The following PPARG variants were observed in gnomAD, a reference collection of about 807,000 sequenced individuals.
The protein encoded by PPARG is peroxisome proliferator activated receptor gamma, also known as peroxisome proliferator-activated receptor gamma.
In PPARG, 17 loss-of-function variants were observed where a neutral mutation model predicts 39.2. The ratio of observed to expected loss-of-function variants is 0.43; its 90% CI spans 0.30 to 0.65. The LOEUF (loss-of-function observed/expected upper bound fraction) is 0.65, where lower values mean the gene tolerates loss of function less well. Ranked by LOEUF, PPARG falls within the 30% of genes least tolerant of loss-of-function variation. PPARG has a pLI of 0.13. For missense variants in PPARG, 406 were observed against 585.9 expected, an observed-to-expected ratio of 0.69 and a Z score of 3.17; for synonymous variants, 223 against 215.7, an observed-to-expected ratio of 1.03 and a Z score of -0.30.
chr3:12,320,841 T>C (rs1411316035), intron 2 of PPARG, among the ~76,000 whole-genome samples: 1 of 152,170 alleles, frequency 6.6e-6, no homozygotes, highest in Non-Finnish European at 1.5e-5. Flanking sequence ...ATTGCACCAC[T>C]GCACTCCAGC....
intron 6 of PPARG, chr3:12,406,986 G>A (rs1206319113): frequency 6.6e-6 from 1 of 152,164 alleles, no homozygotes; most frequent in Non-Finnish European, 1.5e-5. Context: ...AGAAAACCCA[G>A]AATGGGTTGT....
Position 12,417,902 on chromosome 3 carries a change from C to CTTTTTTTTTTTTTTTTTTTTTTTTT in PPARG, c.1180+771_1180+772insTTTTTTTTTTTTTTTTTTTTTTTTT, listed in dbSNP as rs869086237. ...CTTTTTTTTTTCTTTTTTTTTTTTCCTTTTTTTTTTTTTTTTTTTTTTTGT... is the reference window on the plus strand; with the variant it reads ...CTTTTTTTTTTCTTTTTTTTTTTTCCTTTTTTTTTTTTTTTTTTTTTTTTTTTTTTTTTTTTTTTTTTTTTTTTGT... On this transcript the variant is annotated intron_variant, in intron 7 of 7. Coordinates refer to ENST00000651735, the MANE Select transcript of PPARG (RefSeq NM_138711.6). Among the ~76,000 whole-genome samples the CTTTTTTTTTTTTTTTTTTTTTTTTT allele has an allele frequency of 4.4e-4, 29 of 65,904 alleles. 1 individual carries two copies. Among genetic ancestry groups the CTTTTTTTTTTTTTTTTTTTTTTTTT allele is most frequent in the South Asian group, 2.3e-3 (4 of 1,748 alleles). 43.2% of individuals were successfully genotyped at this position (65,904 alleles called of 152,430 possible). A position where few individuals can be genotyped will look rare whatever the true frequency, so the allele number is the denominator to read the frequency against.
At chr3:12,291,751 G>C (rs1212776824) in intron 1 of PPARG, among the ~76,000 whole-genome samples, 1 of 152,050 alleles carries the variant, frequency 6.6e-6, no homozygotes, top group East Asian at 1.9e-4. Flanking sequence ...TCAACAATAA[G>C]TACACATCAA....
At chr3:12,350,421 TAA>T (rs1334706352) in intron 2 of PPARG, among the ~76,000 whole-genome samples, 4 of 152,198 alleles carry the variant, frequency 2.6e-5, no homozygotes, top group Non-Finnish European at 5.9e-5. Context: ...CAATGGAGAT[TAA>T]CCAGATATAT....
intron 4 of PPARG, among the ~76,000 whole-genome samples, chr3:12,387,654 C>A (rs1203390146): frequency 1.3e-5 from 2 of 152,056 alleles, no homozygotes; most frequent in Admixed American, 1.3e-4. Flanking sequence ...AAATTTTCTC[C>A]CATTCTGTAG....
intron 7 of PPARG, among the ~76,000 whole-genome samples, chr3:12,423,497 G>C (rs934448068): frequency 6.6e-6 from 1 of 152,158 alleles, no homozygotes; most frequent in Non-Finnish European, 1.5e-5. Flanking sequence ...CTTCTCTCTG[G>C]AACAAAAGAC....
At chr3:12,430,105 A>G (rs2051603846) in intron 7 of PPARG, among the ~76,000 whole-genome samples, 1 of 152,148 alleles carries the variant, frequency 6.6e-6, no homozygotes, top group South Asian at 2.1e-4. Flanking sequence ...CTCTGAGACC[A>G]CTCTGCCATC....
In PPARG at chr3:12,433,964, A is replaced by G; in HGVS notation, c.1247A>G (p.Glu416Gly). 6.2e-7 allele frequency: 1 copy of G among 1,614,244 alleles called. No homozygotes were observed. Among genetic ancestry groups the G allele is most frequent in the South Asian group, 1.1e-5 (1 of 91,090 alleles). The change falls in exon 8 of 8, where the codon GAG (glutamate) becomes GGG (glycine). Residue 416 changes from glutamate to glycine, a missense_variant. This residue lies in a region of PPARG where 275 missense variants were observed against 458.0 expected (regional missense o/e 0.60). Transcript: ENST00000651735. Reference sequence around the variant, plus strand: ...CAAGACAACCTGCTACAAGCCCTGGAGCTCCAGCTGAAGCTGAACCACCCT... The same window carrying G: ...CAAGACAACCTGCTACAAGCCCTGGGGCTCCAGCTGAAGCTGAACCACCCT... The part of the protein sequence containing the change: ...DIQDNLLQAL[E>G]LQLKLNHPES...
At chr3:12,339,965 T>A (rs1345677623) in intron 2 of PPARG, among the ~76,000 whole-genome samples, 2 of 152,248 alleles carry the variant, frequency 1.3e-5, no homozygotes, top group African/African-American at 4.8e-5. Flanking sequence ...TCTCAAAGTG[T>A]TGATCTGAAA....
In PPARG at chr3:12,379,844, A is replaced by C. The variant is rs201978569; in HGVS notation, c.133A>C (p.Thr45Pro). 10 of 1,613,798 alleles carry C rather than the reference A, an allele frequency of 6.2e-6. No homozygotes were observed. The Admixed American group carries it at 1.7e-4, about 27-fold the overall frequency. ...FTTVDFSSIS[T>P]PHYEDIPFTR... ...TACTGTTGACTTCTCCAGCATTTCT[A>C]CTCCACATTACGAAGACATTCCATT... The change falls in exon 3 of 8, where the codon ACT becomes CCT. Residue 45 changes from threonine to proline, a missense_variant. Transcript: ENST00000651735.
chr3:12,338,068 C>T (rs1053824011), intron 2 of PPARG, among the ~76,000 whole-genome samples: 6 of 152,156 alleles, frequency 3.9e-5, no homozygotes, highest in Non-Finnish European at 5.9e-5. Flanking sequence ...ATTTCACTTC[C>T]CCATGCCAAC....
At chr3:12,328,339 T>C in intron 2 of PPARG, 1 of 809,068 alleles carries the variant, frequency 1.2e-6, no homozygotes, top group Non-Finnish European at 2.1e-6. Flanking sequence ...CAGAGGAGTC[T>C]CTGCAGGGAA....
intron 1 of PPARG, among the ~76,000 whole-genome samples, chr3:12,306,379 A>G (rs2047063462): frequency 6.6e-6 from 1 of 152,180 alleles, no homozygotes; most frequent in Non-Finnish European, 1.5e-5. Flanking sequence ...CTACTGCTTC[A>G]CGGCCTTGGG....
rs143678848 is a variant in PPARG at position 12,384,430 on chromosome 3, C to T, written c.390+2939C>T. Among the ~76,000 whole-genome samples, 1,356 of 152,010 alleles carry T rather than the reference C, an allele frequency of 8.9e-3. 9 individuals carry two copies. Among genetic ancestry groups the T allele is most frequent in the Middle Eastern group, 0.014 (4 of 292 alleles). On this transcript the variant is annotated intron_variant, in intron 4 of 7. Coordinates refer to ENST00000651735, the MANE Select transcript of PPARG (RefSeq NM_138711.6). Reference sequence around the variant, plus strand: ...CTTGATTCCTAAATGGATGATGGGTCGAAAAAGGAAACTTTTTTTGAATTC... The same window carrying T: ...CTTGATTCCTAAATGGATGATGGGTTGAAAAAGGAAACTTTTTTTGAATTC...
At chr3:12,403,821 G>A (rs997970825) in intron 5 of PPARG, among the ~76,000 whole-genome samples, 4 of 152,038 alleles carry the variant, frequency 2.6e-5, no homozygotes, top group Non-Finnish European at 5.9e-5. Context: ...TGCTATCTGG[G>A]GTTTTCTTTC....
intron 7 of PPARG, among the ~76,000 whole-genome samples, chr3:12,429,552 CAAAAA>C (rs753288907): frequency 1.7e-3 from 167 of 99,586 alleles, no homozygotes; most frequent in African/African-American, 6.2e-3. Context: ...CTGTCTCTAC[CAAAAA>C]AAAAAAAAAA....
At chr3:12,413,680 C>T (rs1464248394) in intron 6 of PPARG, among the ~76,000 whole-genome samples, 1 of 151,744 alleles carries the variant, frequency 6.6e-6, no homozygotes, top group Admixed American at 6.6e-5. Context: ...AATTGCCGGG[C>T]GTGGTGGTGG....
At chr3:12,370,705 A>G (rs1156327899) in intron 2 of PPARG, among the ~76,000 whole-genome samples, 1 of 152,156 alleles carries the variant, frequency 6.6e-6, no homozygotes, top group Non-Finnish European at 1.5e-5. Flanking sequence ...CTCACAGTAA[A>G]CCTATTTAAC....
At chr3:12,389,590 T>A (rs1257107724) in intron 4 of PPARG, among the ~76,000 whole-genome samples, 1 of 152,174 alleles carries the variant, frequency 6.6e-6, no homozygotes, top group Non-Finnish European at 1.5e-5. Flanking sequence ...TACTTGGTAA[T>A]CTCTCAAGAA....
Sources: allele counts gnomAD v4.1 joint callset (sites outside exome capture counted in the v4.1 genomes callset), GRCh38; gene constraint gnomAD v4.1.1; regional missense constraint gnomAD v4.1.1; transcripts MANE v1.5; gene names NCBI Gene and HGNC (gene_info 2026-07-23, HGNC 2026-07-21).